The following NAV2 variants were observed in gnomAD, a reference collection of about 807,000 sequenced individuals.
The protein encoded by NAV2 is neuron navigator 2, also known as helicase, APC down-regulated 1.
A neutral mutation model predicts 223.2 loss-of-function variants in NAV2; 54 were observed. That is an observed-to-expected ratio of 0.24 (90% CI 0.19 to 0.30). The LOEUF (loss-of-function observed/expected upper bound fraction) is 0.30, where lower values mean the gene tolerates loss of function less well. Ranked by LOEUF, NAV2 falls within the 10% of genes least tolerant of loss-of-function variation. The pLI is 1.00. For missense variants in NAV2, 2,806 were observed against 3,147.5 expected (o/e 0.89, Z 2.60); for synonymous variants, 1,279 against 1,239.3 (o/e 1.03, Z -0.67).
chr11:19,480,263 ACCAGGC>A, intron 1 of NAV2, among the ~76,000 whole-genome samples: 1 of 152,268 alleles, frequency 6.6e-6, no homozygotes, highest in East Asian at 1.9e-4. Context: ...GATATACTTT[ACCAGGC>A]ACCCCTTTTT....
chr11:19,916,322 C>G lies in NAV2; in HGVS notation c.932-16854C>G, dbSNP rs545963060. On this transcript the variant is annotated intron_variant, in intron 6 of 37. Transcript: ENST00000349880. Reference sequence around the variant, plus strand: ...TAATGTTCAGCAATGCAGCCCAAAGCATCACAGGGTTTTCAGTTAGACCCA... The same window carrying G: ...TAATGTTCAGCAATGCAGCCCAAAGGATCACAGGGTTTTCAGTTAGACCCA... Among the ~76,000 whole-genome samples, 12 of 152,246 alleles carry G rather than the reference C, an allele frequency of 7.9e-5. No homozygotes were observed. In the East Asian group the frequency reaches 2.3e-3, roughly 29 times the overall value.
rs146025856 is a variant in NAV2 at position 19,696,083 on chromosome 11, C to T, written c.76-136401C>T. 1.7e-3 allele frequency among the ~76,000 whole-genome samples: 252 copies of T among 152,104 alleles called. 1 individual carries two copies. Among genetic ancestry groups the T allele is most frequent in the African/African-American group, 5.9e-3 (244 of 41,496 alleles). The stretch of plus-strand genomic sequence containing the variant: ...GCTACATGACACTGAGATGCTGAAT[C>T]ATGCCCCCATAACCTTCTCCTCCAT... On this transcript the variant is annotated intron_variant, in intron 1 of 37. Coordinates refer to the NAV2 transcript ENST00000360655.
At chr11:19,695,411 C>CT (rs5790083) in intron 1 of NAV2, among the ~76,000 whole-genome samples, 96,651 of 149,724 alleles carry the variant, frequency 0.65, 35,901 homozygotes, top group Non-Finnish European at 0.81. Flanking sequence ...TGCTCCCAGC[C>CT]TTTTTTTTTT....
intron 1 of NAV2, among the ~76,000 whole-genome samples, chr11:19,521,286 C>T (rs1245295441): frequency 1.3e-5 from 2 of 152,276 alleles, no homozygotes; most frequent in South Asian, 2.1e-4. Flanking sequence ...TGTGAGGAGA[C>T]ACCAGGCTTC....
At chr11:19,587,970 C>G (rs1305684952) in intron 1 of NAV2, among the ~76,000 whole-genome samples, 1 of 152,202 alleles carries the variant, frequency 6.6e-6, no homozygotes, top group Admixed American at 6.5e-5. Flanking sequence ...GGGTCTAGTA[C>G]CTGGTCAACC....
intron 11 of NAV2, among the ~76,000 whole-genome samples, chr11:20,034,374 T>TG (rs1297709585): frequency 6.6e-5 from 8 of 120,902 alleles, no homozygotes; most frequent in African/African-American, 2.0e-4. Context: ...TTTTTTTTTT[T>TG]TTTTTGTTTG....
chr11:19,387,191 C>G (rs1849076501), intron 1 of NAV2, among the ~76,000 whole-genome samples: 1 of 152,174 alleles, frequency 6.6e-6, no homozygotes, highest in Admixed American at 6.5e-5. Context: ...TTAAAATTTT[C>G]CATATCCTGC....
chr11:19,348,122 G>C (rs183831369), upstream of NAV2, among the ~76,000 whole-genome samples: 1 of 152,186 alleles, frequency 6.6e-6, no homozygotes, highest in Admixed American at 6.5e-5. Context: ...TGGCGAGAGC[G>C]TCTGTCCCCA....
the NAV2 span, among the ~76,000 whole-genome samples, chr11:19,345,371 G>C: frequency 1.3e-5 from 2 of 152,232 alleles, no homozygotes; most frequent in Non-Finnish European, 2.9e-5. The surrounding 1 kb of genome is among the most constrained non-coding windows in gnomAD (Gnocchi z 5.2). Flanking sequence ...CCGGCGGCGG[G>C]ACCGGCCTGG....
chr11:19,953,858 CGTGT>C (rs373382653), intron 10 of NAV2, among the ~76,000 whole-genome samples: 21 of 150,626 alleles, frequency 1.4e-4, no homozygotes, highest in East Asian at 6.0e-4. Flanking sequence ...CACGCGCGCG[CGTGT>C]GTGTGTGTGT....
At chr11:19,727,203 G>C (rs961554801) in intron 1 of NAV2, among the ~76,000 whole-genome samples, 1 of 152,174 alleles carries the variant, frequency 6.6e-6, no homozygotes, top group South Asian at 2.1e-4. Context: ...GCAGTAATTA[G>C]AGGGCCTTGA....
intron 1 of NAV2, among the ~76,000 whole-genome samples, chr11:19,502,009 G>A (rs565915552): frequency 2.0e-5 from 3 of 152,274 alleles, no homozygotes; most frequent in African/African-American, 7.2e-5. Flanking sequence ...TCTCCTAAAA[G>A]CGTCTTGAGA....
At chr11:19,817,415 G>T (rs2059145109) in intron 1 of NAV2, among the ~76,000 whole-genome samples, 1 of 152,176 alleles carries the variant, frequency 6.6e-6, no homozygotes, top group Non-Finnish European at 1.5e-5. Context: ...AGCCCTGATG[G>T]AATGGAATGT....
intron 36 of NAV2, chr11:20,114,259 T>C: frequency 2.8e-6 from 1 of 357,704 alleles, no homozygotes; most frequent in Non-Finnish European, 5.2e-6. Context: ...AATCAGGTCA[T>C]TGTTTTTCCC....
chr11:19,353,587 A>C (rs891620458), intron 1 of NAV2, among the ~76,000 whole-genome samples: 74 of 152,228 alleles, frequency 4.9e-4, no homozygotes, highest in Non-Finnish European at 5.1e-4. Context: ...TAGGGATATT[A>C]TTAAGATTAA....
intron 2 of NAV2, among the ~76,000 whole-genome samples, chr11:19,836,286 G>T (rs543423999): frequency 6.6e-6 from 1 of 151,826 alleles, no homozygotes; most frequent in Non-Finnish European, 1.5e-5. Context: ...GGCCAGGCGC[G>T]GTGGCTCACG....
At chr11:19,352,330 A>C (rs1853375238) in intron 1 of NAV2, among the ~76,000 whole-genome samples, 1 of 152,236 alleles carries the variant, frequency 6.6e-6, no homozygotes, top group South Asian at 2.1e-4. Flanking sequence ...GTATTAGCCA[A>C]GTTTGGTATC....
intron 22 of NAV2, among the ~76,000 whole-genome samples, chr11:20,072,557 C>G (rs1805081263): frequency 6.6e-6 from 1 of 152,186 alleles, no homozygotes; most frequent in African/African-American, 2.4e-5. Context: ...TTGATTCTTA[C>G]TATCCATGAA....
Position 19,832,573 on chromosome 11 carries a change from C to T in NAV2, c.357C>T (p.Val119=). Residue 119 remains valine, a synonymous_variant, in exon 2 of 38, where the codon GTC becomes GTT. Transcript: ENST00000349880. ...RDLQQDVTDG[V]LLAQIIQVVA... ...TCCAGCAAGATGTGACAGATGGCGT[C>T]CTCCTGGCCCAGATTATCCAGGTTG... is the stretch of plus-strand genomic sequence containing the variant. The T allele has an allele frequency of 6.2e-7, 1 of 1,614,200 alleles. No homozygotes were observed. Among genetic ancestry groups the T allele is most frequent in the Non-Finnish European group, 8.5e-7 (1 of 1,180,034 alleles).
Sources: allele counts gnomAD v4.1 joint callset (sites outside exome capture counted in the v4.1 genomes callset), GRCh38; gene constraint gnomAD v4.1.1; non-coding constraint Gnocchi (gnomAD v3.1); transcripts MANE v1.5; gene names NCBI Gene and HGNC (gene_info 2026-07-23, HGNC 2026-07-21).